METTL15: variants seen among roughly 807,000 people sequenced by gnomAD.
METTL15 encodes 12S rRNA N(4)-cytidine methyltransferase METTL15.
Under a neutral mutation model 38.3 loss-of-function variants are expected in METTL15, and 34 were observed. The ratio of observed to expected loss-of-function variants is 0.89; its 90% CI spans 0.68 to 1.18. The LOEUF is 1.18. METTL15 is among the 50% of genes most tolerant of loss of function. The probability of loss-of-function intolerance (pLI) is 0.00; values close to 1 mark genes in which losing one functional copy is unlikely to be tolerated. For synonymous variants in METTL15, 162 were observed against 170.9 expected, an observed-to-expected ratio of 0.95 and a Z score of 0.41; for missense variants, 438 against 498.4, an observed-to-expected ratio of 0.88 and a Z score of 1.15.
chr11:28,339,697 C>T (rs1204595533), intron 3 of METTL15, among the ~76,000 whole-genome samples: 4 of 152,066 alleles, frequency 2.6e-5, no homozygotes, highest in Non-Finnish European at 5.9e-5. Flanking sequence ...TGATGAAAGA[C>T]ATCAAACTAC....
intron 4 of METTL15, among the ~76,000 whole-genome samples, chr11:28,266,125 T>A (rs1305508922): frequency 2.6e-5 from 4 of 152,148 alleles, no homozygotes; most frequent in Non-Finnish European, 5.9e-5. Flanking sequence ...TGTAAACTAG[T>A]TCAACCGTTG....
rs540047064 is a variant in METTL15, at chr11:28,239,419, A to G, written c.407+28221A>G. On this transcript the variant is annotated intron_variant, in intron 4 of 6. Transcript: ENST00000407364. ...CATTAACTCTACCTTCAAGGTGTAT[A>G]TGAAATTTGACCCCTACTTATCACC... Among the ~76,000 whole-genome samples, 26 of 152,320 alleles carry G rather than the reference A, an allele frequency of 1.7e-4. 1 individual carries two copies. The Middle Eastern group carries it at 0.014, about 80-fold the overall frequency.
intron 3 of METTL15, among the ~76,000 whole-genome samples, chr11:28,126,374 T>A (rs530875339): frequency 1.3e-5 from 2 of 152,170 alleles, no homozygotes; most frequent in South Asian, 4.1e-4. Context: ...AACTCCCTTC[T>A]CTACCGCCTT....
intron 4 of METTL15, among the ~76,000 whole-genome samples, chr11:28,223,436 T>C (rs1239151732): frequency 6.6e-6 from 1 of 152,110 alleles, no homozygotes; most frequent in Non-Finnish European, 1.5e-5. Flanking sequence ...GATCAATGGA[T>C]AGTTGGTTGA....
intron 4 of METTL15, among the ~76,000 whole-genome samples, chr11:28,237,235 A>G (rs554721006): frequency 6.6e-6 from 1 of 152,294 alleles, no homozygotes; most frequent in South Asian, 2.1e-4. Context: ...ACTTTCAGGT[A>G]CACCAATCAG....
At chr11:28,501,828 G>A (rs527804562) in intron 6 of METTL15, among the ~76,000 whole-genome samples, 72 of 152,212 alleles carry the variant, frequency 4.7e-4, no homozygotes, top group Admixed American at 1.0e-3. Flanking sequence ...GGCCAGGCGC[G>A]GTGGCTCACA....
At chr11:28,474,106 A>C (rs1016443564) in intron 6 of METTL15, among the ~76,000 whole-genome samples, 1 of 152,060 alleles carries the variant, frequency 6.6e-6, no homozygotes, top group Non-Finnish European at 1.5e-5. Flanking sequence ...ACAAATACAC[A>C]TGTATATACA....
chr11:28,236,277 TTG>T (rs1362690413), intron 4 of METTL15, among the ~76,000 whole-genome samples: 2 of 152,158 alleles, frequency 1.3e-5, no homozygotes, highest in Admixed American at 1.3e-4. Flanking sequence ...TCTTTTTTGG[TTG>T]TGTCTCTGCC....
chr11:28,436,404 C>A (rs180938993), intron 6 of METTL15, among the ~76,000 whole-genome samples: 8 of 152,282 alleles, frequency 5.3e-5, no homozygotes, highest in Non-Finnish European at 1.0e-4. Flanking sequence ...TTTCACAATT[C>A]TATGGATTTA....
intron 6 of METTL15, among the ~76,000 whole-genome samples, chr11:28,305,735 A>G (rs1389888382): frequency 6.6e-6 from 1 of 152,128 alleles, no homozygotes; most frequent in Admixed American, 6.6e-5. Flanking sequence ...ACAAAAAGGT[A>G]TGAGAACCCA....
intron 4 of METTL15, among the ~76,000 whole-genome samples, chr11:28,243,259 A>G (rs932613391): frequency 4.6e-5 from 7 of 152,204 alleles, no homozygotes; most frequent in Admixed American, 2.0e-4. Context: ...CAAGCAGAGT[A>G]TGAAGTCAGC....
chr11:28,184,359 C>T (rs1354191390), intron 3 of METTL15, among the ~76,000 whole-genome samples: 1 of 151,892 alleles, frequency 6.6e-6, no homozygotes, highest in Non-Finnish European at 1.5e-5. Flanking sequence ...GTTAGAGTGT[C>T]AATTTTAGAT....
At chr11:28,409,331 G>A (rs955146745) in intron 5 of METTL15, among the ~76,000 whole-genome samples, 4 of 128,034 alleles carry the variant, frequency 3.1e-5, no homozygotes, top group Non-Finnish European at 6.2e-5. Flanking sequence ...GCAGTGAGCC[G>A]AGATGATGCC....
chr11:28,259,034 A>G (rs1237249292), intron 4 of METTL15, among the ~76,000 whole-genome samples: 2 of 152,050 alleles, frequency 1.3e-5, no homozygotes, highest in East Asian at 1.9e-4. Context: ...GGCCCTCTAC[A>G]TAGTACCTGG....
chr11:28,435,230 C>A (rs1850971284), intron 6 of METTL15, among the ~76,000 whole-genome samples: 1 of 152,170 alleles, frequency 6.6e-6, no homozygotes, highest in Non-Finnish European at 1.5e-5. Context: ...ACATCAGGTT[C>A]ATTACATGCT....
At chr11:28,161,685 GA>G (rs1312156201) in intron 3 of METTL15, among the ~76,000 whole-genome samples, 1 of 151,888 alleles carries the variant, frequency 6.6e-6, no homozygotes, top group African/African-American at 2.4e-5. Context: ...GTGATATAAT[GA>G]AAATTGAATA....
chr11:28,488,615 C>T (rs1235520838), intron 6 of METTL15, among the ~76,000 whole-genome samples: 1 of 152,144 alleles, frequency 6.6e-6, no homozygotes, highest in Non-Finnish European at 1.5e-5. Context: ...CTGGGATATG[C>T]AAATTCAAGA....
At chr11:28,174,261 C>T (rs896298410) in intron 3 of METTL15, among the ~76,000 whole-genome samples, 3 of 150,898 alleles carry the variant, frequency 2.0e-5, no homozygotes, top group South Asian at 2.1e-4. Context: ...TACTTAAGAA[C>T]GATTGTTTTT....
At chr11:28,411,486 A>T (rs960676999) in intron 5 of METTL15, among the ~76,000 whole-genome samples, 2 of 152,118 alleles carry the variant, frequency 1.3e-5, no homozygotes, top group Non-Finnish European at 2.9e-5. Flanking sequence ...CACGAAGGGG[A>T]AACAATAGTC....
Sources: gnomAD v4.1 joint callset for allele counts (sites outside exome capture counted in the v4.1 genomes callset) on GRCh38, gnomAD v4.1.1 for gene constraint, MANE v1.5 for transcripts, NCBI Gene and HGNC (gene_info 2026-07-23, HGNC 2026-07-21) for gene names.